The following MACROD2 variants were observed in gnomAD, a reference collection of about 807,000 sequenced individuals.
MACROD2 encodes mono-ADP ribosylhydrolase 2, also known as ADP-ribose glycohydrolase MACROD2.
A neutral mutation model predicts 70.4 loss-of-function variants in MACROD2; 36 were observed. That is an observed-to-expected ratio of 0.51 (90% confidence interval 0.39 to 0.68). The LOEUF is 0.68. Ranked by LOEUF, MACROD2 falls within the 30% of genes least tolerant of loss-of-function variation. MACROD2 has a pLI of 0.00. For missense variants in MACROD2, 496 were observed against 538.4 expected (o/e 0.92, Z 0.78); for synonymous variants, 172 against 178.8 (o/e 0.96, Z 0.30).
At chr20:14,449,061 G>A (rs1367277410) in intron 3 of MACROD2, among the ~76,000 whole-genome samples, 1 of 152,108 alleles carries the variant, frequency 6.6e-6, no homozygotes, top group African/African-American at 2.4e-5. Context: ...ACTGAAGAAA[G>A]AGGAGGCAGT....
chr20:14,132,116 G>C (rs566018800), intron 3 of MACROD2, among the ~76,000 whole-genome samples: 2 of 137,764 alleles, frequency 1.5e-5, no homozygotes, highest in African/African-American at 5.3e-5. Context: ...GGGTGACAGA[G>C]CGAGACTCTA....
At chr20:14,477,968 C>G (rs2084617503) in intron 3 of MACROD2, among the ~76,000 whole-genome samples, 1 of 152,082 alleles carries the variant, frequency 6.6e-6, no homozygotes, top group Non-Finnish European at 1.5e-5. Context: ...CCCGATTAGG[C>G]CTTGCTTTTT....
chr20:14,325,508 C>T (rs917756089), intron 3 of MACROD2: 5 of 1,552,926 alleles, frequency 3.2e-6, no homozygotes, highest in Non-Finnish European at 4.3e-6. Context: ...CATCACCTCC[C>T]TTAGGTTTAA....
chr20:15,742,393 C>T (rs1049730383), intron 8 of MACROD2, among the ~76,000 whole-genome samples: 4 of 152,202 alleles, frequency 2.6e-5, no homozygotes, highest in Non-Finnish European at 5.9e-5. Flanking sequence ...ATGTTTCCCT[C>T]AATCTGGATG....
At chr20:15,461,410 G>C (rs931105197) in intron 7 of MACROD2, among the ~76,000 whole-genome samples, 2 of 151,882 alleles carry the variant, frequency 1.3e-5, no homozygotes, top group Admixed American at 6.6e-5. Context: ...TTAATATTAG[G>C]GTTATATGTT....
At chr20:14,833,166 T>C (rs1795797863) in intron 5 of MACROD2, among the ~76,000 whole-genome samples, 1 of 152,174 alleles carries the variant, frequency 6.6e-6, no homozygotes, top group African/African-American at 2.4e-5. Flanking sequence ...TGGATTGCAC[T>C]GCACAGGTCC....
chr20:15,565,160 A>G (rs899998987), intron 8 of MACROD2, among the ~76,000 whole-genome samples: 3 of 152,136 alleles, frequency 2.0e-5, no homozygotes, highest in African/African-American at 7.2e-5. Context: ...ACTGCTCACC[A>G]AACTCTGTTG....
At chr20:14,651,941 T>C (rs1985699947) in intron 4 of MACROD2, among the ~76,000 whole-genome samples, 1 of 152,148 alleles carries the variant, frequency 6.6e-6, no homozygotes, top group Non-Finnish European at 1.5e-5. Flanking sequence ...TATGAATTCA[T>C]AAACTTTCAT....
intron 5 of MACROD2, among the ~76,000 whole-genome samples, chr20:14,696,404 T>G (rs190137905): frequency 1.3e-5 from 2 of 152,174 alleles, no homozygotes; most frequent in Non-Finnish European, 2.9e-5. Flanking sequence ...TAATTCAGTT[T>G]CTGTCCTCTG....
chr20:15,951,505 G>C (rs1205036052), intron 12 of MACROD2, among the ~76,000 whole-genome samples: 1 of 152,112 alleles, frequency 6.6e-6, no homozygotes, highest in African/African-American at 2.4e-5. Context: ...GGCATTTAAT[G>C]AGAAGATTGT....
rs529405983 is a variant in MACROD2, at chr20:15,440,720, TATGTA to T, written c.571+9289_571+9293del. Among the ~76,000 whole-genome samples, 5 of 152,180 alleles carry T rather than the reference TATGTA, an allele frequency of 3.3e-5. No individual in the cohort carries two copies. The South Asian group carries it at 8.3e-4, about 25-fold the overall frequency. Reference sequence around the variant, plus strand: ...TTTACAGAGGAAGGAAGAGTTCTCTTATGTAATGCATTGGGAACCAGAGCAAAACT... The same window carrying T: ...TTTACAGAGGAAGGAAGAGTTCTCTTATGCATTGGGAACCAGAGCAAAACT... On this transcript the variant is annotated intron_variant, in intron 7 of 17. Transcript: ENST00000684519.
intron 6 of MACROD2, among the ~76,000 whole-genome samples, chr20:15,418,316 T>C (rs1056302731): frequency 3.9e-5 from 6 of 152,178 alleles, no homozygotes; most frequent in Non-Finnish European, 5.9e-5. Flanking sequence ...GATCTTCCAG[T>C]AAATATTGTT....
chr20:14,100,827 A>ACATATATAATATAATATAATATATAT (rs1411357990), intron 3 of MACROD2, among the ~76,000 whole-genome samples: 1 of 133,772 alleles, frequency 7.5e-6, no homozygotes, highest in Admixed American at 8.1e-5. Flanking sequence ...ATCATATATA[A>ACATATATAATATAATATAATATATAT]CATATATAAT....
intron 3 of MACROD2, among the ~76,000 whole-genome samples, chr20:14,224,929 T>C (rs1170038541): frequency 6.6e-6 from 1 of 152,222 alleles, no homozygotes; most frequent in African/African-American, 2.4e-5. Flanking sequence ...TTCTACCTGA[T>C]ACCGTATTCC....
chr20:15,471,455 TCATTTTTTTC>T (rs1272663542), intron 7 of MACROD2, among the ~76,000 whole-genome samples: 1 of 152,202 alleles, frequency 6.6e-6, no homozygotes, highest in Non-Finnish European at 1.5e-5. Flanking sequence ...AGTGTTATTC[TCATTTTTTTC>T]ATATGATAAC....
At chr20:14,454,001 T>G (rs923484236) in intron 3 of MACROD2, among the ~76,000 whole-genome samples, 4 of 152,016 alleles carry the variant, frequency 2.6e-5, no homozygotes, top group African/African-American at 9.7e-5. Flanking sequence ...CCAAATTGTC[T>G]TCCAATAGTG....
chr20:15,400,348 T>G (rs1238051986), intron 6 of MACROD2, among the ~76,000 whole-genome samples: 1 of 152,180 alleles, frequency 6.6e-6, no homozygotes, highest in Non-Finnish European at 1.5e-5. Flanking sequence ...AGATGCTTGT[T>G]GCTTTCTGAA....
rs1220252748 is a variant in MACROD2, at chr20:16,051,325, C to G, written c.*1449C>G. ...AAGGATGTTCTGCTTTCTAAATATCCCATCAAAATCTTCAGTTTTGCACTT... is the reference window on the plus strand; with the variant it reads ...AAGGATGTTCTGCTTTCTAAATATCGCATCAAAATCTTCAGTTTTGCACTT... On this transcript the variant is annotated 3_prime_UTR_variant, in exon 18 of 18. Transcript: ENST00000684519. The G allele has an allele frequency of 1.3e-5, 2 of 152,122 alleles. No homozygotes were observed. The highest frequency in any genetic ancestry group is 2.4e-5 in the African/African-American group (1 of 41,430). The allele number at this position is 152,122 out of a possible 1,614,324, so 9.4% of individuals were successfully genotyped here. A position where few individuals can be genotyped will look rare whatever the true frequency, so the allele number is the denominator to read the frequency against.
intron 5 of MACROD2, among the ~76,000 whole-genome samples, chr20:15,039,420 GT>G (rs1285086451): frequency 1.3e-5 from 2 of 152,146 alleles, no homozygotes; most frequent in Non-Finnish European, 2.9e-5. Context: ...AGGAGTTGTA[GT>G]TTCTATGACA....
Sources: allele counts gnomAD v4.1 joint callset (sites outside exome capture counted in the v4.1 genomes callset), GRCh38; gene constraint gnomAD v4.1.1; transcripts MANE v1.5; gene names NCBI Gene and HGNC (gene_info 2026-07-23, HGNC 2026-07-21).